The following DIO2 variants were observed in gnomAD, a reference collection of about 807,000 sequenced individuals.
DIO2 encodes type II iodothyronine deiodinase.
DIO2 carries 19 observed loss-of-function variants against 21.4 expected under a neutral mutation model. The ratio of observed to expected loss-of-function variants is 0.89; its 90% CI spans 0.62 to 1.30. The LOEUF (loss-of-function observed/expected upper bound fraction) is 1.30. Ranked by LOEUF, DIO2 falls within the 50% of genes most tolerant of loss-of-function variation. The probability of loss-of-function intolerance (pLI) is 0.00; values close to 1 mark genes in which losing one functional copy is unlikely to be tolerated. For synonymous variants in DIO2, 122 were observed against 132.9 expected (o/e 0.92, Z 0.57); for missense variants, 302 against 338.1 (o/e 0.89, Z 0.84).
intron 2 of DIO2, among the ~76,000 whole-genome samples, chr14:80,222,767 A>G (rs1008871729): frequency 1.1e-4 from 16 of 152,300 alleles, no homozygotes; most frequent in East Asian, 3.9e-4. Flanking sequence ...TTAAATAGCA[A>G]AAGGTCTACA....
intron 2 of DIO2, among the ~76,000 whole-genome samples, chr14:80,219,890 G>A (rs1476665838): frequency 1.3e-5 from 2 of 152,112 alleles, no homozygotes; most frequent in African/African-American, 4.8e-5. Context: ...TATACATCGT[G>A]TTTGTAACAT....
intron 2 of DIO2, among the ~76,000 whole-genome samples, chr14:80,219,716 TC>T (rs1361482241): frequency 6.6e-6 from 1 of 152,086 alleles, no homozygotes; most frequent in Non-Finnish European, 1.5e-5. Context: ...TAGAACTGAA[TC>T]GTACAGTAGA....
intron 2 of DIO2, among the ~76,000 whole-genome samples, chr14:80,229,494 C>T (rs1444276221): frequency 6.6e-6 from 1 of 152,104 alleles, no homozygotes; most frequent in Non-Finnish European, 1.5e-5. Context: ...CCTCACACAT[C>T]TATTTTGCAA....
chr14:80,209,492 T>C (rs780757309), intron 1 of DIO2, among the ~76,000 whole-genome samples: 6 of 152,148 alleles, frequency 3.9e-5, no homozygotes, highest in Non-Finnish European at 2.9e-5. Flanking sequence ...AACTTCCTAA[T>C]TAATAATATG....
intron 1 of DIO2, among the ~76,000 whole-genome samples, chr14:80,206,769 CCTT>C (rs1209160529): frequency 1.3e-5 from 2 of 152,178 alleles, no homozygotes; most frequent in East Asian, 1.9e-4. Flanking sequence ...CTTAATTTCT[CCTT>C]CTTAGAGGGT....
chr14:80,229,416 G>C (rs1167020583), intron 2 of DIO2, among the ~76,000 whole-genome samples: 1 of 152,130 alleles, frequency 6.6e-6, no homozygotes, highest in Non-Finnish European at 1.5e-5. Context: ...AGTGACTGTG[G>C]TTCTCACTGT....
rs1438235414 is a variant in DIO2, at chr14:80,202,892, G to C, written c.619C>G (p.Gln207Glu). ...QLLERFSLPP[Q>E]CRVVADRMDN... Reference sequence around the variant, plus strand: ...ATGCGGTCAGCCACAACTCGGCACTGGGGCGGCAAGGAGAAACGCTCCAGA... The same window carrying C: ...ATGCGGTCAGCCACAACTCGGCACTCGGGCGGCAAGGAGAAACGCTCCAGA... The change falls in exon 2 of 2, where the codon CAG (glutamine) becomes GAG (glutamate). Residue 207 changes from glutamine (Q) to glutamate (E), a missense_variant. Gln to Glu is a conservative substitution (Grantham distance 29). Coordinates refer to ENST00000438257, the MANE Select transcript of DIO2 (RefSeq NM_013989.5). 3.7e-6 allele frequency: 6 copies of C among 1,613,846 alleles called. No individual in the cohort carries two copies. In the African/African-American group the frequency reaches 5.3e-5, roughly 14 times the overall value.
chr14:80,219,105 T>C (rs1459107134), intron 2 of DIO2, among the ~76,000 whole-genome samples: 1 of 152,212 alleles, frequency 6.6e-6, no homozygotes, highest in African/African-American at 2.4e-5. Context: ...CTGAAAACTA[T>C]GGATCTCAAA....
At chr14:80,229,447 G>T (rs996769357) in intron 2 of DIO2, among the ~76,000 whole-genome samples, 1 of 152,102 alleles carries the variant, frequency 6.6e-6, no homozygotes, top group Non-Finnish European at 1.5e-5. Context: ...ATATAAAGAA[G>T]AGCAATTATA....
rs11345521 is a variant in DIO2 at position 80,218,238 on chromosome 14, C to CA, written c.-277-1502dup. On this transcript the variant is annotated intron_variant, in intron 2 of 4. Transcript: ENST00000553594. ...ACACACACACACATAAACAAACAAA[C>CA]AAAAAAAAAACAGATCCTGGCAGGC... 5.0e-4 allele frequency among the ~76,000 whole-genome samples: 73 copies of CA among 146,788 alleles called. 1 individual carries two copies. Among genetic ancestry groups the CA allele is most frequent in the South Asian group, 1.1e-3 (5 of 4,556 alleles).
chr14:80,202,939 C>A lies in DIO2; in HGVS notation c.572G>T (p.Arg191Leu), dbSNP rs1232577283. 6.2e-7 allele frequency: 1 copy of A among 1,613,960 alleles called. No individual in the cohort carries two copies. Among genetic ancestry groups the A allele is most frequent in the Non-Finnish European group, 8.5e-7 (1 of 1,179,896 alleles). The part of the protein sequence containing the change: ...EVKKHQNQED[R>L]CAAAQQLLER... The stretch of plus-strand genomic sequence containing the variant: ...CAGAAGCTGCTGGGCTGCTGCACAT[C>A]GATCTTCCTGGTTCTGGTGCTTCTT... The change falls in exon 2 of 2, where the codon CGA becomes CTA. Residue 191 changes from arginine (R) to leucine (L), a missense_variant. By Grantham distance (102) the Arg-to-Leu change is moderately radical. Transcript: ENST00000438257.
Position 80,199,875 on chromosome 14 carries a change from A to T in DIO2, c.*2814T>A, listed in dbSNP as rs759635100. ...ATATATCATAGATTTATACTATGATATATAAATAGATACACATTTCCCTGT... is the reference window on the plus strand; with the variant it reads ...ATATATCATAGATTTATACTATGATTTATAAATAGATACACATTTCCCTGT... On this transcript the variant is annotated 3_prime_UTR_variant, in exon 2 of 2. Coordinates refer to ENST00000438257, the MANE Select transcript of DIO2 (RefSeq NM_013989.5). The T allele has an allele frequency of 6.5e-6, 1 of 152,750 alleles. No homozygotes were observed. Among genetic ancestry groups the T allele is most frequent in the African/African-American group, 2.4e-5 (1 of 41,568 alleles). 9.5% of individuals were successfully genotyped at this position (152,750 alleles called of 1,614,324 possible). A position where few individuals can be genotyped will look rare whatever the true frequency, so the allele number is the denominator to read the frequency against.
intron 1 of DIO2, among the ~76,000 whole-genome samples, chr14:80,205,024 T>G (rs535338629): frequency 6.6e-6 from 1 of 152,204 alleles, no homozygotes; most frequent in Non-Finnish European, 1.5e-5. Context: ...TTACTTATAC[T>G]AACTTTCTTG....
chr14:80,197,699 C>G lies in DIO2; in HGVS notation c.*4990G>C, dbSNP rs1403928230. ...AGCATATGCACGCGTGCATTCTCACCACATTTACCCAGGACTCTTAGCATC... is the reference window on the plus strand; with the variant it reads ...AGCATATGCACGCGTGCATTCTCACGACATTTACCCAGGACTCTTAGCATC... On this transcript the variant is annotated 3_prime_UTR_variant, in exon 2 of 2. Coordinates refer to ENST00000438257, the MANE Select transcript of DIO2 (RefSeq NM_013989.5). The G allele has an allele frequency of 6.6e-6, 1 of 152,612 alleles. No individual in the cohort carries two copies. The highest frequency in any genetic ancestry group is 1.5e-5 in the Non-Finnish European group (1 of 68,030). The allele number at this position is 152,612 out of a possible 1,614,324, so 9.5% of individuals were successfully genotyped here. A position where few individuals can be genotyped will look rare whatever the true frequency, so the allele number is the denominator to read the frequency against.
rs1190066277 is a variant in DIO2 at position 80,199,450 on chromosome 14, G to A, written c.*3239C>T. 6.6e-6 allele frequency: 1 copy of A among 152,202 alleles called. No homozygotes were observed. The highest frequency in any genetic ancestry group is 1.5e-5 in the Non-Finnish European group (1 of 68,048). 9.4% of individuals were successfully genotyped at this position (152,202 alleles called of 1,614,324 possible). A position where few individuals can be genotyped will look rare whatever the true frequency, so the allele number is the denominator to read the frequency against. On this transcript the variant is annotated 3_prime_UTR_variant, in exon 2 of 2. Transcript: ENST00000438257. The stretch of plus-strand genomic sequence containing the variant: ...GAAAAAAGAAAGTCATGTAAGTTAA[G>A]TGACTGTCACTTAGCTATACAAAGT...
Position 80,200,866 on chromosome 14 carries a change from T to C in DIO2, c.*1823A>G, listed in dbSNP as rs1392781014. 1 of 152,162 alleles carries C rather than the reference T, an allele frequency of 6.6e-6. No homozygotes were observed. Among genetic ancestry groups the C allele is most frequent in the Non-Finnish European group, 1.5e-5 (1 of 68,022 alleles). The allele number at this position is 152,162 out of a possible 1,614,324, so 9.4% of individuals were successfully genotyped here. A position where few individuals can be genotyped will look rare whatever the true frequency, so the allele number is the denominator to read the frequency against. ...ATACGTTTGGTTCTTGCACACCTAG[T>C]TCTCACTCTTTTCTCAATTCAGACA... On this transcript the variant is annotated 3_prime_UTR_variant, in exon 2 of 2. Coordinates refer to ENST00000438257, the MANE Select transcript of DIO2 (RefSeq NM_013989.5).
chr14:80,230,092 C>T (rs1888656210), intron 2 of DIO2, among the ~76,000 whole-genome samples: 2 of 152,122 alleles, frequency 1.3e-5, no homozygotes, highest in South Asian at 4.1e-4. Context: ...TTTATCTCCT[C>T]AGACAAAGGT....
In DIO2 at chr14:80,202,574, T is replaced by C; in HGVS notation, c.*115A>G. ...TAGAGATTCATGTTCTTCCGATAGATAAACTCCTGTCTTTCAGTAAGCCAA... is the reference window on the plus strand; with the variant it reads ...TAGAGATTCATGTTCTTCCGATAGACAAACTCCTGTCTTTCAGTAAGCCAA... On this transcript the variant is annotated 3_prime_UTR_variant, in exon 2 of 2. Coordinates refer to ENST00000438257, the MANE Select transcript of DIO2 (RefSeq NM_013989.5). 9.0e-7 allele frequency: 1 copy of C among 1,107,410 alleles called. No individual in the cohort carries two copies. The highest frequency in any genetic ancestry group is 1.3e-6 in the Non-Finnish European group (1 of 791,944). 68.6% of individuals were successfully genotyped at this position (1,107,410 alleles called of 1,614,324 possible). A position where few individuals can be genotyped will look rare whatever the true frequency, so the allele number is the denominator to read the frequency against.
intron 2 of DIO2, among the ~76,000 whole-genome samples, chr14:80,223,180 C>T (rs1229616433): frequency 6.6e-6 from 1 of 152,086 alleles, no homozygotes; most frequent in African/African-American, 2.4e-5. Flanking sequence ...ACGTGCTTGA[C>T]ATTGCTATTT....
Sources: gnomAD v4.1 joint callset for allele counts (sites outside exome capture counted in the v4.1 genomes callset) on GRCh38, gnomAD v4.1.1 for gene constraint, MANE v1.5 for transcripts, NCBI Gene and HGNC (gene_info 2026-07-23, HGNC 2026-07-21) for gene names.